HPGD: variants seen among roughly 807,000 people sequenced by gnomAD.
HPGD encodes the protein 15-hydroxyprostaglandin dehydrogenase.
A neutral mutation model predicts 30.0 loss-of-function variants in HPGD; 29 were observed. The observed-to-expected ratio is 0.97, with a 90% CI of 0.72 to 1.32. HPGD has a LOEUF of 1.32. Ranked by LOEUF, HPGD falls within the 40% of genes most tolerant of loss-of-function variation. The probability of loss-of-function intolerance (pLI) is 0.00; values close to 1 mark genes in which losing one functional copy is unlikely to be tolerated. For missense variants in HPGD, 340 were observed against 322.1 expected (o/e 1.06, Z -0.43); for synonymous variants, 99 against 112.4 (o/e 0.88, Z 0.75).
intron 3 of HPGD, among the ~76,000 whole-genome samples, chr4:174,510,845 T>C (rs924317686): frequency 5.9e-5 from 9 of 152,330 alleles, no homozygotes; most frequent in Middle Eastern, 3.4e-3. Context: ...TTCACCATGT[T>C]GGCCAGGCTG....
chr4:174,513,976 G>A (rs1353698356), intron 3 of HPGD, among the ~76,000 whole-genome samples: 1 of 152,032 alleles, frequency 6.6e-6, no homozygotes, highest in African/African-American at 2.4e-5. Flanking sequence ...TGCCATTTGA[G>A]ATAAGAATGC....
Position 174,492,705 on chromosome 4 carries a change from T to C in HPGD, c.662+446A>G, listed in dbSNP as rs1560974219. ...TCTGATTCCTTCAACATGATAACTA[T>C]GATTCATGAAATCCTCAGTTGCTTG... On this transcript the variant is annotated intron_variant, in intron 6 of 6. Transcript: ENST00000296522. This position sits in a 1 kb window ranked among gnomAD's most constrained non-coding sequence, Gnocchi z 4.9. 2.0e-5 allele frequency among the ~76,000 whole-genome samples: 3 copies of C among 152,086 alleles called. No individual in the cohort carries two copies. Among genetic ancestry groups the C allele is most frequent in the Admixed American group, 2.0e-4 (3 of 15,266 alleles).
intron 3 of HPGD, among the ~76,000 whole-genome samples, chr4:174,512,295 C>T (rs1439622095): frequency 6.6e-6 from 1 of 152,052 alleles, no homozygotes; most frequent in Non-Finnish European, 1.5e-5. Context: ...AGTTTTCTGC[C>T]TTGAAAGAAC....
At chr4:174,512,637 G>T (rs1469558616) in intron 3 of HPGD, among the ~76,000 whole-genome samples, 1 of 152,124 alleles carries the variant, frequency 6.6e-6, no homozygotes, top group African/African-American at 2.4e-5. Context: ...TAAATTATTG[G>T]TCAGATTCTA....
At chr4:174,508,034 AG>A in intron 4 of HPGD, 1 of 677,276 alleles carries the variant, frequency 1.5e-6, no homozygotes. Flanking sequence ...GGTTCTTAAA[AG>A]AGTAGCCATG....
chr4:174,506,100 C>G (rs45446798), intron 4 of HPGD, among the ~76,000 whole-genome samples: 10,208 of 152,114 alleles, frequency 0.067, 565 homozygotes, highest in African/African-American at 0.15. Flanking sequence ...CTGGGGTTGG[C>G]GGGAGGTGGC....
In HPGD at chr4:174,495,595, A is replaced by T; in HGVS notation, c.451T>A (p.Tyr151Asn). 1.2e-6 allele frequency: 2 copies of T among 1,613,896 alleles called. No homozygotes were observed. Among genetic ancestry groups the T allele is most frequent in the Non-Finnish European group, 1.7e-6 (2 of 1,179,800 alleles). Residue 151 changes from tyrosine to asparagine, a missense_variant, in exon 5 of 7, where the codon TAT becomes AAT. Transcript: ENST00000296522. ...GLMPVAQQPV[Y>N]CASKHGIVGF... The stretch of plus-strand genomic sequence containing the variant: ...ACTATGCCATGCTTTGAAGCACAAT[A>T]AACCGGCTGCTGTGCAACGGGCATG...
At position 174,494,193 on chromosome 4, in the gene HPGD, A is replaced by T. The variant is rs1734474005; in HGVS notation, c.499-879T>A. Among the ~76,000 whole-genome samples, 1 of 152,234 alleles carries T rather than the reference A, an allele frequency of 6.6e-6. No homozygotes were observed. The highest frequency in any genetic ancestry group is 2.1e-4 in the South Asian group (1 of 4,830). On this transcript the variant is annotated intron_variant, in intron 5 of 6. Coordinates refer to ENST00000296522, the MANE Select transcript of HPGD (RefSeq NM_000860.6). The surrounding 1 kb of genome is among the most constrained non-coding windows in gnomAD (Gnocchi z 4.9). ...AGATAAATTTTGATCAGGCATGAGTAATAAGTGCTTTAGTAATGAGTTCAA... is the reference window on the plus strand; with the variant it reads ...AGATAAATTTTGATCAGGCATGAGTTATAAGTGCTTTAGTAATGAGTTCAA...
At chr4:174,497,881 TTCTCTCTCTCTCTTTCTC>T (rs1734714114) in intron 4 of HPGD, among the ~76,000 whole-genome samples, 2 of 148,802 alleles carry the variant, frequency 1.3e-5, no homozygotes, top group Non-Finnish European at 3.0e-5. Context: ...CGGCCTCACT[TTCTCTCTCTCTCTTTCTC>T]TCTCTCTCTC....
At position 174,496,580 on chromosome 4, in the gene HPGD, AT is replaced by A. The variant is rs1321433150; in HGVS notation, c.422-957del. On this transcript the variant is annotated intron_variant, in intron 4 of 6. Transcript: ENST00000296522. This position sits in a 1 kb window ranked among gnomAD's most constrained non-coding sequence, Gnocchi z 4.6. ...TTGTATTTGTTTTTGACTAATTTGG[AT>A]TAACTTGTTTTAATGCTTTTTAAGT... 6.6e-6 allele frequency among the ~76,000 whole-genome samples: 1 copy of A among 152,194 alleles called. No individual in the cohort carries two copies. Among genetic ancestry groups the A allele is most frequent in the Non-Finnish European group, 1.5e-5 (1 of 68,036 alleles).
At chr4:174,520,911 G>A (rs973206424) in intron 2 of HPGD, among the ~76,000 whole-genome samples, 5 of 152,212 alleles carry the variant, frequency 3.3e-5, no homozygotes, top group African/African-American at 4.8e-5. Flanking sequence ...TTTCAGTTAT[G>A]TAATTTCCTT....
In HPGD at chr4:174,492,904, C is replaced by T. The variant is rs901079435; in HGVS notation, c.662+247G>A. 6.6e-6 allele frequency among the ~76,000 whole-genome samples: 1 copy of T among 152,038 alleles called. No homozygotes were observed. Among genetic ancestry groups the T allele is most frequent in the Admixed American group, 6.6e-5 (1 of 15,260 alleles). ...ATTGCCTTCAAAGGTGACTAAATAT[C>T]AACTTTATGACTGATGGTAGTAATG... On this transcript the variant is annotated intron_variant, in intron 6 of 6. Transcript: ENST00000296522. The surrounding 1 kb of genome is among the most constrained non-coding windows in gnomAD (Gnocchi z 4.9).
At chr4:174,497,415 G>C (rs151143681) in intron 4 of HPGD, among the ~76,000 whole-genome samples, 1 of 152,038 alleles carries the variant, frequency 6.6e-6, no homozygotes, top group South Asian at 2.1e-4. Flanking sequence ...AGGTGGATTC[G>C]TAAATGCAAC....
upstream of HPGD, chr4:174,522,652 G>C (rs961825466): frequency 4.2e-6 from 2 of 473,848 alleles, no homozygotes; most frequent in African/African-American, 4.1e-5. Flanking sequence ...GGAGCGCCAA[G>C]CTTCGCGATC....
At chr4:174,522,585 T>C, upstream of HPGD, 1 of 584,598 alleles carries the variant, frequency 1.7e-6, no homozygotes, top group South Asian at 2.5e-5. Context: ...GAGGAAACTG[T>C]CAAGCCAGCG....
rs145683102 is a variant in HPGD at position 174,505,521 on chromosome 4, A to T, written c.421+3175T>A. On this transcript the variant is annotated intron_variant, in intron 4 of 6. Transcript: ENST00000296522. ...TGTTGATACCATTTCTGAGGGAATG[A>T]TGAAGACGGAGGGGTCCTCTTTTGC... 2.0e-5 allele frequency among the ~76,000 whole-genome samples: 3 copies of T among 152,346 alleles called. No individual in the cohort carries two copies. The East Asian group carries it at 5.8e-4, about 29-fold the overall frequency.
At chr4:174,521,876 G>C in intron 2 of HPGD, 68 bp downstream of exon 2, 3 of 1,599,446 alleles carry the variant, frequency 1.9e-6, no homozygotes, top group South Asian at 1.1e-5. Context: ...CCCCCTGGCC[G>C]GGCTGCCTTC....
intron 4 of HPGD, chr4:174,495,959 A>G (rs1322687823): frequency 2.2e-5 from 6 of 274,016 alleles, no homozygotes; most frequent in Non-Finnish European, 4.3e-5. Context: ...TAAAGTCAGT[A>G]AATTACCACC....
At chr4:174,513,521 G>A (rs1481690056) in intron 3 of HPGD, among the ~76,000 whole-genome samples, 3 of 150,054 alleles carry the variant, frequency 2.0e-5, no homozygotes, top group Non-Finnish European at 4.4e-5. Context: ...GGAAGGAATA[G>A]AAAAAGAATA....
Sources: gnomAD v4.1 joint callset for allele counts (sites outside exome capture counted in the v4.1 genomes callset) on GRCh38, gnomAD v4.1.1 for gene constraint, Gnocchi (gnomAD v3.1) non-coding constraint, MANE v1.5 for transcripts, NCBI Gene and HGNC (gene_info 2026-07-23, HGNC 2026-07-21) for gene names.